The following PCSK2 variants were observed in gnomAD, a reference collection of about 807,000 sequenced individuals.
The protein encoded by PCSK2 is proprotein convertase subtilisin/kexin type 2, also known as neuroendocrine convertase 2.
A neutral mutation model predicts 69.7 loss-of-function variants in PCSK2; 14 were observed. The ratio of observed to expected loss-of-function variants is 0.20; its 90% CI spans 0.13 to 0.31. PCSK2 has a LOEUF of 0.31. PCSK2 is among the 10% of genes least tolerant of loss of function. The pLI, the probability that PCSK2 is intolerant of heterozygous loss-of-function variation, is 1.00. For missense variants in PCSK2, 544 were observed against 842.5 expected (o/e 0.65, Z 4.39); for synonymous variants, 307 against 320.7 (o/e 0.96, Z 0.46).
At chr20:17,320,753 G>A (rs2123130703) in intron 2 of PCSK2, among the ~76,000 whole-genome samples, 1 of 152,342 alleles carries the variant, frequency 6.6e-6, no homozygotes, top group South Asian at 2.1e-4. Context: ...CACACAGCTA[G>A]TGAGTCAGAG....
At chr20:17,378,606 T>TGGAA (rs2030997693) in intron 5 of PCSK2, among the ~76,000 whole-genome samples, 1 of 117,542 alleles carries the variant, frequency 8.5e-6, no homozygotes, top group South Asian at 2.4e-4. Context: ...GATGGATGGA[T>TGGAA]GGATGGATGG....
At chr20:17,469,830 C>T (rs570830398) in intron 11 of PCSK2, among the ~76,000 whole-genome samples, 179 of 152,024 alleles carry the variant, frequency 1.2e-3, no homozygotes, top group Middle Eastern at 3.4e-3. Flanking sequence ...TGACCCCTCA[C>T]GGTGGGCTCT....
chr20:17,270,861 C>A (rs1848043954), intron 2 of PCSK2, among the ~76,000 whole-genome samples: 1 of 152,124 alleles, frequency 6.6e-6, no homozygotes, highest in African/African-American at 2.4e-5. Context: ...AATACTTACA[C>A]TGACACCAAT....
At chr20:17,445,841 C>G (rs1003439271) in intron 8 of PCSK2, among the ~76,000 whole-genome samples, 1 of 152,250 alleles carries the variant, frequency 6.6e-6, no homozygotes, top group Non-Finnish European at 1.5e-5. Flanking sequence ...GCCTTGGAAA[C>G]AGCTGGTGCC....
chr20:17,363,719 G>C (rs1336671608), intron 4 of PCSK2, among the ~76,000 whole-genome samples: 2 of 152,222 alleles, frequency 1.3e-5, no homozygotes, highest in African/African-American at 4.8e-5. Context: ...AGGTCAGAGG[G>C]AGCTTCAAGC....
At chr20:17,392,280 T>C (rs982280800) in intron 5 of PCSK2, among the ~76,000 whole-genome samples, 1 of 152,160 alleles carries the variant, frequency 6.6e-6, no homozygotes, top group Non-Finnish European at 1.5e-5. Flanking sequence ...ACCTGCCCAG[T>C]GGTCATTTTA....
intron 6 of PCSK2, among the ~76,000 whole-genome samples, chr20:17,412,090 G>C (rs867530022): frequency 6.6e-6 from 1 of 152,206 alleles, no homozygotes; most frequent in African/African-American, 2.4e-5. Flanking sequence ...GAGCAGAAAA[G>C]CTGAAAATTC....
intron 4 of PCSK2, among the ~76,000 whole-genome samples, chr20:17,368,747 C>T (rs1382880868): frequency 6.6e-6 from 1 of 152,200 alleles, no homozygotes; most frequent in Non-Finnish European, 1.5e-5. Flanking sequence ...AGACAAGCCT[C>T]AGCTCCCAAC....
At chr20:17,442,186 C>T (rs59289956) in intron 8 of PCSK2, among the ~76,000 whole-genome samples, 10,398 of 151,564 alleles carry the variant, frequency 0.069, 555 homozygotes, top group African/African-American at 0.15. Flanking sequence ...GATTCCTTCT[C>T]CAGAACTTCT....
chr20:17,351,230 CA>C (rs1449383468), intron 2 of PCSK2, among the ~76,000 whole-genome samples: 1 of 151,980 alleles, frequency 6.6e-6, no homozygotes, highest in Non-Finnish European at 1.5e-5. Context: ...AATTAAGGTT[CA>C]AAAGTTGAAC....
intron 1 of PCSK2, among the ~76,000 whole-genome samples, chr20:17,253,731 A>T (rs1987078355): frequency 1.3e-5 from 2 of 152,144 alleles, no homozygotes; most frequent in Non-Finnish European, 2.9e-5. Flanking sequence ...CCGTACATGG[A>T]ATTGCTGGGT....
intron 2 of PCSK2, among the ~76,000 whole-genome samples, chr20:17,334,480 T>A (rs1158105594): frequency 6.6e-6 from 1 of 152,196 alleles, no homozygotes; most frequent in Non-Finnish European, 1.5e-5. Context: ...TTAGTGGTGC[T>A]TCTCTCTCAG....
intron 2 of PCSK2, among the ~76,000 whole-genome samples, chr20:17,349,399 G>A (rs1035576678): frequency 3.9e-5 from 6 of 152,152 alleles, no homozygotes; most frequent in South Asian, 2.1e-4. Flanking sequence ...TTCCCAAAGC[G>A]TGAAACGAAA....
chr20:17,329,940 G>A (rs1240052935), intron 2 of PCSK2, among the ~76,000 whole-genome samples: 1 of 152,018 alleles, frequency 6.6e-6, no homozygotes, highest in African/African-American at 2.4e-5. Flanking sequence ...AACAGAACTG[G>A]CCAATAGAAA....
At chr20:17,283,150 G>T (rs1046953678) in intron 2 of PCSK2, among the ~76,000 whole-genome samples, 1 of 152,116 alleles carries the variant, frequency 6.6e-6, no homozygotes, top group Non-Finnish European at 1.5e-5. Context: ...GGCAAAAGAT[G>T]CTATAAAAGC....
In PCSK2 at chr20:17,365,713, C is replaced by T. The variant is rs1366590871; in HGVS notation, c.506-3527C>T. ...GAGACAGGCATAAAACATACATTCC[C>T]ATTCCCAAAGGGAGAAATAGGAAAG... On this transcript the variant is annotated intron_variant, in intron 4 of 11. Coordinates refer to ENST00000262545, the MANE Select transcript of PCSK2 (RefSeq NM_002594.5). 3.3e-5 allele frequency among the ~76,000 whole-genome samples: 5 copies of T among 152,182 alleles called. No individual in the cohort carries two copies. The South Asian group carries it at 6.2e-4, about 19-fold the overall frequency.
intron 2 of PCSK2, among the ~76,000 whole-genome samples, chr20:17,353,182 G>T (rs1204053607): frequency 6.6e-6 from 1 of 152,048 alleles, no homozygotes; most frequent in African/African-American, 2.4e-5. Flanking sequence ...CAAAAAATAG[G>T]CTGGATGCGG....
intron 5 of PCSK2, among the ~76,000 whole-genome samples, chr20:17,382,026 C>T (rs2031099893): frequency 6.6e-6 from 1 of 152,216 alleles, no homozygotes; most frequent in Admixed American, 6.5e-5. Context: ...CAAGCGGTCA[C>T]AATGATCCTA....
intron 2 of PCSK2, among the ~76,000 whole-genome samples, chr20:17,302,950 A>T (rs1421901852): frequency 6.6e-6 from 1 of 152,080 alleles, no homozygotes; most frequent in African/African-American, 2.4e-5. Context: ...TATGTTTGGA[A>T]TGAGAAGAAG....
Sources: allele counts gnomAD v4.1 joint callset (sites outside exome capture counted in the v4.1 genomes callset), GRCh38; gene constraint gnomAD v4.1.1; transcripts MANE v1.5; gene names NCBI Gene and HGNC (gene_info 2026-07-23, HGNC 2026-07-21).